The following TRPC6 variants were observed in gnomAD, a reference collection of about 807,000 sequenced individuals.
TRPC6 encodes transient receptor potential cation channel subfamily C member 6, also known as short transient receptor potential channel 6.
A neutral mutation model predicts 90.7 loss-of-function variants in TRPC6; 55 were observed. That is an observed-to-expected ratio of 0.61 (90% confidence interval 0.49 to 0.76). The LOEUF is 0.76. Among genes scored for constraint, TRPC6 ranks in the 30% least tolerant of loss-of-function variants. TRPC6 has a pLI of 0.00. For synonymous variants in TRPC6, 393 were observed against 393.0 expected, an observed-to-expected ratio of 1.00 and a Z score of 0.00; for missense variants, 989 against 1,122.7, an observed-to-expected ratio of 0.88 and a Z score of 1.70.
chr11:101,499,641 A>ATATATATATACACAATATAAAATGTG (rs1860045034), intron 2 of TRPC6, among the ~76,000 whole-genome samples: 3 of 41,772 alleles, frequency 7.2e-5, no homozygotes, highest in African/African-American at 4.1e-4. Flanking sequence ...TAAAATGTGT[A>ATATATATATACACAATATAAAATGTG]TATATATATA....
In TRPC6 at chr11:101,583,347, A is replaced by G. The variant is rs2136909550; in HGVS notation, c.157T>C (p.Tyr53His). The G allele has an allele frequency of 6.3e-7, 1 of 1,591,856 alleles. No individual in the cohort carries two copies. Among genetic ancestry groups the G allele is most frequent in the South Asian group, 1.1e-5 (1 of 88,088 alleles). The change falls in exon 1 of 13, where the codon TAC (tyrosine) becomes CAC (histidine). Residue 53 changes from tyrosine (Y) to histidine (H), a missense_variant. By Grantham distance (83) the Tyr-to-His change is moderately conservative. Around this residue, in one of 4 missense-constraint regions of TRPC6, gnomAD observed 194 missense variants for 136.5 expected, o/e 1.42. Transcript: ENST00000344327. ...GCCGGCACTCACAAGCAGGGGTAGT[A>G]GCCGTAGCAAGGCAGCGGGGCTTGC... ...CPQAPLPCYG[Y>H]YPCFRGSDNR...
chr11:101,571,406 G>A (rs1373810116), intron 1 of TRPC6, among the ~76,000 whole-genome samples: 2 of 152,140 alleles, frequency 1.3e-5, no homozygotes, highest in Non-Finnish European at 2.9e-5. Context: ...CATGCTCATG[G>A]ACAGAAAGAA....
At chr11:101,512,364 A>G (rs1860413285) in intron 1 of TRPC6, among the ~76,000 whole-genome samples, 1 of 152,188 alleles carries the variant, frequency 6.6e-6, no homozygotes, top group Admixed American at 6.5e-5. Context: ...ATTTTTGGTC[A>G]TCATTTCATT....
intron 1 of TRPC6, among the ~76,000 whole-genome samples, chr11:101,517,928 A>C (rs373719380): frequency 6.6e-6 from 1 of 152,196 alleles, no homozygotes; most frequent in Non-Finnish European, 1.5e-5. Flanking sequence ...AATAAACAAC[A>C]TATTGTTCTC....
At position 101,548,472 on chromosome 11, in the gene TRPC6, A is replaced by ATCTC. The variant is rs1380892415; in HGVS notation, c.170+34861_170+34862insGAGA. ...TATATATACTGATATATATATATAT[A>ATCTC]TATATCTCTCTCTCTCTCTCTGTCT... On this transcript the variant is annotated intron_variant, in intron 1 of 12. Coordinates refer to ENST00000344327, the MANE Select transcript of TRPC6 (RefSeq NM_004621.6). Among the ~76,000 whole-genome samples, 9 of 42,860 alleles carry ATCTC rather than the reference A, an allele frequency of 2.1e-4. No homozygotes were observed. In the Admixed American group the frequency reaches 3.1e-3, roughly 15 times the overall value. The allele number at this position is 42,860 out of a possible 152,430, so 28.1% of individuals were successfully genotyped here.
At chr11:101,553,373 C>T (rs906504781) in intron 1 of TRPC6, among the ~76,000 whole-genome samples, 5 of 151,936 alleles carry the variant, frequency 3.3e-5, no homozygotes, top group African/African-American at 1.2e-4. Flanking sequence ...AACCCTCTCA[C>T]TGAACCTTTA....
chr11:101,565,815 T>C (rs1340794707), intron 1 of TRPC6, among the ~76,000 whole-genome samples: 1 of 152,146 alleles, frequency 6.6e-6, no homozygotes, highest in Non-Finnish European at 1.5e-5. Flanking sequence ...TGTTCTTGGA[T>C]AAATACACAG....
chr11:101,496,645 G>C (rs1249805861), intron 2 of TRPC6, among the ~76,000 whole-genome samples: 1 of 152,154 alleles, frequency 6.6e-6, no homozygotes, highest in Non-Finnish European at 1.5e-5. Context: ...ATAATGTCTG[G>C]TTAGCTTTTA....
intron 11 of TRPC6, among the ~76,000 whole-genome samples, chr11:101,454,124 AC>A (rs2136637460): frequency 6.6e-6 from 1 of 152,306 alleles, no homozygotes; most frequent in African/African-American, 2.4e-5. Context: ...CGTCTGACCC[AC>A]CAAAAAATGG....
chr11:101,521,291 G>A (rs544131496), intron 1 of TRPC6, among the ~76,000 whole-genome samples: 17 of 152,296 alleles, frequency 1.1e-4, no homozygotes, highest in East Asian at 1.9e-4. Context: ...CTCCAGCTGC[G>A]GCTGAAAGGG....
chr11:101,501,116 C>T (rs1267474065), intron 2 of TRPC6, among the ~76,000 whole-genome samples: 1 of 151,880 alleles, frequency 6.6e-6, no homozygotes, highest in Non-Finnish European at 1.5e-5. Flanking sequence ...TACATACATA[C>T]ATACATACAT....
intron 2 of TRPC6, among the ~76,000 whole-genome samples, chr11:101,500,126 CATG>C (rs1210010736): frequency 6.8e-6 from 1 of 147,516 alleles, no homozygotes; most frequent in Admixed American, 6.8e-5. Context: ...AAAGTGTGAA[CATG>C]ATGAGTACCA....
At chr11:101,553,427 A>C (rs1861493755) in intron 1 of TRPC6, among the ~76,000 whole-genome samples, 1 of 152,122 alleles carries the variant, frequency 6.6e-6, no homozygotes, top group Non-Finnish European at 1.5e-5. Context: ...CAAAAGAATA[A>C]TTGAGATGAA....
rs554174891 is a variant in TRPC6 at position 101,539,513 on chromosome 11, T to C, written c.171-34715A>G. 4.2e-4 allele frequency among the ~76,000 whole-genome samples: 64 copies of C among 152,334 alleles called. 1 individual carries two copies. The South Asian group carries it at 9.9e-3, about 24-fold the overall frequency. ...CTGACTTGCCTCATCAACGTTCATTTTGGGGTTGTGGAGACACCTTGTCAC... is the reference window on the plus strand; with the variant it reads ...CTGACTTGCCTCATCAACGTTCATTCTGGGGTTGTGGAGACACCTTGTCAC... On this transcript the variant is annotated intron_variant, in intron 1 of 12. Coordinates refer to ENST00000344327, the MANE Select transcript of TRPC6 (RefSeq NM_004621.6).
chr11:101,533,424 T>A (rs1350077581), intron 1 of TRPC6, among the ~76,000 whole-genome samples: 1 of 152,026 alleles, frequency 6.6e-6, no homozygotes, highest in Non-Finnish European at 1.5e-5. Flanking sequence ...TGACCAGATC[T>A]CACTAGAATT....
intron 1 of TRPC6, among the ~76,000 whole-genome samples, chr11:101,571,477 T>A (rs528695243): frequency 3.9e-5 from 6 of 152,188 alleles, no homozygotes; most frequent in Non-Finnish European, 4.4e-5. Flanking sequence ...GCTATCCCCA[T>A]CAAATTACCA....
chr11:101,458,309 A>G (rs1222245456), intron 10 of TRPC6, among the ~76,000 whole-genome samples: 1 of 152,166 alleles, frequency 6.6e-6, no homozygotes, highest in Non-Finnish European at 1.5e-5. Context: ...GCCCAAGTCC[A>G]TGACTAAGTC....
intron 1 of TRPC6, among the ~76,000 whole-genome samples, chr11:101,518,506 C>T (rs924732021): frequency 6.6e-6 from 1 of 152,012 alleles, no homozygotes; most frequent in African/African-American, 2.4e-5. Context: ...GTCATCTCAC[C>T]CAAGTTAAAA....
Position 101,545,952 on chromosome 11 carries a change from C to T in TRPC6, c.170+37382G>A, listed in dbSNP as rs184239915. The stretch of plus-strand genomic sequence containing the variant: ...CTTGCCTATGATGTTCAACTTGTTC[C>T]GTTCTGTGAATAGGGCTATAAAGAA... On this transcript the variant is annotated intron_variant, in intron 1 of 12. Coordinates refer to ENST00000344327, the MANE Select transcript of TRPC6 (RefSeq NM_004621.6). Among the ~76,000 whole-genome samples, 19 of 149,476 alleles carry T rather than the reference C, an allele frequency of 1.3e-4. No individual in the cohort carries two copies. In the Admixed American group the frequency reaches 1.3e-3, roughly 10 times the overall value.
Sources: gnomAD v4.1 joint callset for allele counts (sites outside exome capture counted in the v4.1 genomes callset) on GRCh38, gnomAD v4.1.1 for gene constraint, gnomAD v4.1.1 regional missense constraint, MANE v1.5 for transcripts, NCBI Gene and HGNC (gene_info 2026-07-23, HGNC 2026-07-21) for gene names.